RPRD1A: variants seen among roughly 807,000 people sequenced by gnomAD.
The protein encoded by RPRD1A is regulation of nuclear pre-mRNA domain-containing protein 1A.
Under a neutral mutation model 37.8 loss-of-function variants are expected in RPRD1A, and 9 were observed. The observed-to-expected ratio is 0.24, with a 90% CI of 0.14 to 0.42. RPRD1A has a LOEUF of 0.42. Among genes scored for constraint, RPRD1A ranks in the 10% least tolerant of loss-of-function variants. RPRD1A has a pLI of 1.00. For synonymous variants in RPRD1A, 138 were observed against 139.7 expected, an observed-to-expected ratio of 0.99 and a Z score of 0.08; for missense variants, 255 against 371.0, an observed-to-expected ratio of 0.69 and a Z score of 2.57.
At chr18:36,030,316 C>A (rs1342923362) in intron 4 of RPRD1A, among the ~76,000 whole-genome samples, 1 of 118,928 alleles carries the variant, frequency 8.4e-6, no homozygotes, top group African/African-American at 3.7e-5. Flanking sequence ...GAAACCCCAT[C>A]TCTATTAAAC....
At chr18:36,015,650 G>A (rs2144223424) in intron 6 of RPRD1A, among the ~76,000 whole-genome samples, 1 of 152,302 alleles carries the variant, frequency 6.6e-6, no homozygotes, top group African/African-American at 2.4e-5. Context: ...AAAAAGGAAG[G>A]AAATTCTGAC....
At chr18:36,050,868 C>CT (rs374429594) in intron 1 of RPRD1A, among the ~76,000 whole-genome samples, 3,378 of 127,880 alleles carry the variant, frequency 0.026, 95 homozygotes, top group African/African-American at 0.074. Context: ...CTTTTCTTTT[C>CT]TTTTTTTTTT....
chr18:36,062,230 T>C (rs1230544346), intron 1 of RPRD1A, among the ~76,000 whole-genome samples: 4 of 142,250 alleles, frequency 2.8e-5, no homozygotes, highest in Non-Finnish European at 6.0e-5. Flanking sequence ...GGCAGGAGAA[T>C]GGCGTGAACC....
At chr18:36,064,714 A>G (rs947690887) in intron 1 of RPRD1A, among the ~76,000 whole-genome samples, 2 of 152,232 alleles carry the variant, frequency 1.3e-5, no homozygotes, top group Non-Finnish European at 2.9e-5. Context: ...AGATAAGAGA[A>G]TAAAAGCAGG....
intron 1 of RPRD1A, among the ~76,000 whole-genome samples, chr18:36,045,653 T>G (rs1912900358): frequency 6.6e-6 from 1 of 152,328 alleles, no homozygotes; most frequent in East Asian, 1.9e-4. Context: ...CTGAAAGAAT[T>G]AGACATTCGC....
At chr18:36,022,553 G>A (rs117775642) in intron 6 of RPRD1A, among the ~76,000 whole-genome samples, 23 of 152,116 alleles carry the variant, frequency 1.5e-4, no homozygotes, top group Non-Finnish European at 2.6e-4. Flanking sequence ...GAGTCCTTAA[G>A]AATTATGCTA....
At chr18:36,033,863 T>C (rs1487345131) in intron 1 of RPRD1A, 26 bp from the exon 2 acceptor site, 2 of 1,584,394 alleles carry the variant, frequency 1.3e-6, no homozygotes, top group Non-Finnish European at 1.7e-6. Flanking sequence ...AAGTTAAAAA[T>C]CTACTTAAAA....
chr18:36,019,485 A>G (rs1430804102), intron 6 of RPRD1A, among the ~76,000 whole-genome samples: 1 of 152,118 alleles, frequency 6.6e-6, no homozygotes, highest in South Asian at 2.1e-4. Flanking sequence ...ATGTAGGGAG[A>G]TATGAGAGGG....
chr18:36,062,816 G>A (rs2088943331), intron 1 of RPRD1A, among the ~76,000 whole-genome samples: 1 of 152,168 alleles, frequency 6.6e-6, no homozygotes, highest in African/African-American at 2.4e-5. Context: ...ACAGCTAAAT[G>A]GCATGGAGTT....
intron 2 of RPRD1A, among the ~76,000 whole-genome samples, chr18:36,032,820 A>G (rs1202790231): frequency 6.6e-6 from 1 of 152,186 alleles, no homozygotes; most frequent in Non-Finnish European, 1.5e-5. Context: ...CAAGGACATA[A>G]TGAGTTCTGT....
chr18:36,008,030 C>T (rs1909859918), intron 6 of RPRD1A, among the ~76,000 whole-genome samples: 1 of 151,228 alleles, frequency 6.6e-6, no homozygotes, highest in Non-Finnish European at 1.5e-5. Context: ...TGCTTATGTC[C>T]AAAGAGTTTG....
At chr18:36,065,849 G>C (rs774221154) in intron 1 of RPRD1A, among the ~76,000 whole-genome samples, 3 of 151,618 alleles carry the variant, frequency 2.0e-5, no homozygotes, top group African/African-American at 7.3e-5. Flanking sequence ...GTTTCCTCAC[G>C]TGAAATGCCT....
At chr18:36,020,620 C>T (rs1910933064) in intron 6 of RPRD1A, among the ~76,000 whole-genome samples, 2 of 151,868 alleles carry the variant, frequency 1.3e-5, no homozygotes, top group Non-Finnish European at 2.9e-5. Context: ...AATAGAAAAG[C>T]AATAAAAATA....
chr18:36,004,211 G>C (rs1909599538), intron 6 of RPRD1A, among the ~76,000 whole-genome samples: 1 of 151,836 alleles, frequency 6.6e-6, no homozygotes, highest in South Asian at 2.1e-4. Flanking sequence ...ACCAATGATA[G>C]CACTCCACCA....
chr18:36,030,846 T>C lies in RPRD1A; in HGVS notation c.448A>G (p.Asn150Asp). 1 of 1,613,504 alleles carries C rather than the reference T, an allele frequency of 6.2e-7. No homozygotes were observed. Among genetic ancestry groups the C allele is most frequent in the Non-Finnish European group, 8.5e-7 (1 of 1,179,656 alleles). Residue 150 changes from asparagine (N) to aspartate (D), a missense_variant, in exon 4 of 7, where the codon AAC becomes GAC. Physicochemically the swap from Asn to Asp is conservative, Grantham distance 23. This residue lies in a region of RPRD1A where 211 missense variants were observed against 268.9 expected (regional missense o/e 0.78). Coordinates refer to ENST00000399022, the MANE Select transcript of RPRD1A (RefSeq NM_018170.5). The stretch of plus-strand genomic sequence containing the variant: ...CTTGGAGATCCCAGAGAGGAACAGT[T>C]TTCATTTTCATCCACCTTTATCTGT... ...YEQIKVDENE[N>D]CSSLGSPSEP...
chr18:36,021,584 T>C (rs1397194012), intron 6 of RPRD1A, among the ~76,000 whole-genome samples: 1 of 152,144 alleles, frequency 6.6e-6, no homozygotes, highest in Non-Finnish European at 1.5e-5. Context: ...AATCAAAAGC[T>C]AGAAGTGATG....
intron 1 of RPRD1A, among the ~76,000 whole-genome samples, chr18:36,061,633 G>A (rs1568155616): frequency 6.6e-6 from 1 of 152,104 alleles, no homozygotes; most frequent in East Asian, 1.9e-4. Context: ...TTAAAATTTA[G>A]CCTAGTATTG....
At position 36,030,788 on chromosome 18, in the gene RPRD1A, T is replaced by C; in HGVS notation, c.486+20A>G. On this transcript the variant is annotated intron_variant, in intron 4 of 6. Transcript: ENST00000399022. ...ATGAAGTAAAAGTTTGTAACTCTTTTAACAGGGTAAAATTTCTACCTGTGG... is the reference window on the plus strand; with the variant it reads ...ATGAAGTAAAAGTTTGTAACTCTTTCAACAGGGTAAAATTTCTACCTGTGG... 2 of 1,494,062 alleles carry C rather than the reference T, an allele frequency of 1.3e-6. No individual in the cohort carries two copies. The highest frequency in any genetic ancestry group is 1.8e-6 in the Non-Finnish European group (2 of 1,082,642). 92.6% of individuals were successfully genotyped at this position (1,494,062 alleles called of 1,614,324 possible).
intron 1 of RPRD1A, chr18:36,052,733 G>C (rs1232767648): frequency 1.3e-5 from 2 of 152,152 alleles, no homozygotes; most frequent in Non-Finnish European, 2.9e-5. Context: ...TGAGTAGCTG[G>C]GATTACAGGC....
Sources: allele counts gnomAD v4.1 joint callset (sites outside exome capture counted in the v4.1 genomes callset), GRCh38; gene constraint gnomAD v4.1.1; regional missense constraint gnomAD v4.1.1; transcripts MANE v1.5; gene names NCBI Gene and HGNC (gene_info 2026-07-23, HGNC 2026-07-21).